Variants in TTC33 observed in about 807,000 individuals in gnomAD.
The protein encoded by TTC33 is tetratricopeptide repeat protein 33.
Under a neutral mutation model 29.4 loss-of-function variants are expected in TTC33, and 24 were observed. The observed-to-expected ratio is 0.82, with a 90% CI of 0.59 to 1.15. The LOEUF (loss-of-function observed/expected upper bound fraction) is 1.15. Among genes scored for constraint, TTC33 ranks in the 50% most tolerant of loss-of-function variants. TTC33 has a pLI of 0.00. For missense variants in TTC33, 286 were observed against 310.4 expected (o/e 0.92, Z 0.59); for synonymous variants, 107 against 100.3 (o/e 1.07, Z -0.40).
chr5:40,749,234 T>C (rs1742852299), intron 1 of TTC33, among the ~76,000 whole-genome samples: 1 of 152,214 alleles, frequency 6.6e-6, no homozygotes, highest in Non-Finnish European at 1.5e-5. Flanking sequence ...AATATTTATT[T>C]AGAGAAGAGA....
intron 4 of TTC33, among the ~76,000 whole-genome samples, chr5:40,724,003 C>T (rs1358107064): frequency 6.6e-6 from 1 of 152,056 alleles, no homozygotes; most frequent in East Asian, 1.9e-4. Context: ...TTAGAACTAC[C>T]ATGTAATAAA....
intron 1 of TTC33, among the ~76,000 whole-genome samples, chr5:40,748,196 CTGTTT>C (rs1194733015): frequency 2.0e-5 from 3 of 151,738 alleles, no homozygotes; most frequent in Non-Finnish European, 4.4e-5. Flanking sequence ...TAAGAAATCA[CTGTTT>C]TGTTTTGTTT....
At chr5:40,750,591 T>C (rs1182500703) in intron 1 of TTC33, among the ~76,000 whole-genome samples, 1 of 151,680 alleles carries the variant, frequency 6.6e-6, no homozygotes, top group African/African-American at 2.4e-5. Flanking sequence ...AACAATGAAG[T>C]TTGCTGCATC....
At chr5:40,723,098 C>A (rs186423750) in intron 4 of TTC33, among the ~76,000 whole-genome samples, 8 of 152,272 alleles carry the variant, frequency 5.3e-5, no homozygotes, top group Admixed American at 2.6e-4. Context: ...AAGAAAAATT[C>A]TTCTGCCTTG....
At position 40,711,885 on chromosome 5, in the gene TTC33, A is replaced by G. The variant is rs1741904745; in HGVS notation, c.*4260T>C. Among the ~76,000 whole-genome samples the G allele has an allele frequency of 6.6e-6, 1 of 152,118 alleles. No individual in the cohort carries two copies. The highest frequency in any genetic ancestry group is 1.5e-5 in the Non-Finnish European group (1 of 68,002). On this transcript the variant is annotated 3_prime_UTR_variant, in exon 5 of 5. Transcript: ENST00000337702. ...TCTAACGTATAGCCACAGAAAGCAG[A>G]AAAGTAGTTGACTAGGGATGGCTGT...
rs574098002 is a variant in TTC33, at chr5:40,725,966, T to C, written c.435+2379A>G. ...ACGTCCAGCTAATTTTTTGTATTTT[T>C]AGTAGAGACGGGGTTTCACCGTGTT... On this transcript the variant is annotated intron_variant, in intron 4 of 4. Transcript: ENST00000337702. 7.1e-4 allele frequency among the ~76,000 whole-genome samples: 108 copies of C among 151,902 alleles called. No individual in the cohort carries two copies. In the South Asian group the frequency reaches 0.011, roughly 15 times the overall value.
In TTC33 at chr5:40,747,113, C is replaced by T. The variant is rs572738968; in HGVS notation, c.-1-94G>A. On this transcript the variant is annotated intron_variant, in intron 1 of 4. Coordinates refer to ENST00000337702, the MANE Select transcript of TTC33 (RefSeq NM_012382.3). ...CACTCTCGTTGCCCAGGCTGGAGTA[C>T]GATGGCACGACCTCGGCTCACCGTA... 8.1e-5 allele frequency: 90 copies of T among 1,112,552 alleles called. 2 individuals carry two copies. The highest frequency in any genetic ancestry group is 1.1e-4 in the Non-Finnish European group (85 of 785,230). The allele number at this position is 1,112,552 out of a possible 1,614,324, so 68.9% of individuals were successfully genotyped here.
At chr5:40,737,007 C>T (rs909856514) in intron 2 of TTC33, among the ~76,000 whole-genome samples, 5 of 151,984 alleles carry the variant, frequency 3.3e-5, no homozygotes, top group Admixed American at 2.0e-4. Flanking sequence ...ATTTAAAAGC[C>T]ACTCAAGGTT....
At chr5:40,718,078 T>C (rs1742044545) in intron 4 of TTC33, among the ~76,000 whole-genome samples, 1 of 149,870 alleles carries the variant, frequency 6.7e-6, no homozygotes, top group Admixed American at 6.6e-5. Flanking sequence ...AAAAAAAGAT[T>C]GCACATAATC....
chr5:40,733,281 C>T (rs1158189963), intron 2 of TTC33, among the ~76,000 whole-genome samples: 1 of 152,028 alleles, frequency 6.6e-6, no homozygotes, highest in Non-Finnish European at 1.5e-5. Flanking sequence ...GGTCTTTGGT[C>T]TCTAGAGCAA....
At chr5:40,733,319 T>A (rs147927585) in intron 2 of TTC33, among the ~76,000 whole-genome samples, 1 of 152,154 alleles carries the variant, frequency 6.6e-6, no homozygotes, top group Non-Finnish European at 1.5e-5. Context: ...GTCCATATAG[T>A]AAACATTTTA....
At chr5:40,753,079 T>C (rs1742924614) in intron 1 of TTC33, among the ~76,000 whole-genome samples, 1 of 152,092 alleles carries the variant, frequency 6.6e-6, no homozygotes, top group Admixed American at 6.5e-5. Context: ...TCAAGAAATA[T>C]ACAGGCTGGG....
intron 1 of TTC33, among the ~76,000 whole-genome samples, chr5:40,747,859 C>T (rs538135105): frequency 2.0e-5 from 3 of 152,188 alleles, no homozygotes; most frequent in Non-Finnish European, 2.9e-5. Context: ...AAGTTTTGCT[C>T]TTGTTGCCCA....
chr5:40,741,412 G>C (rs778809099), intron 2 of TTC33, among the ~76,000 whole-genome samples: 1 of 152,180 alleles, frequency 6.6e-6, no homozygotes, highest in Non-Finnish European at 1.5e-5. Flanking sequence ...TGAACGCTAC[G>C]AATGGTTCAG....
intron 4 of TTC33, among the ~76,000 whole-genome samples, chr5:40,719,923 CAG>C (rs1742089299): frequency 6.6e-6 from 1 of 152,042 alleles, no homozygotes; most frequent in South Asian, 2.1e-4. Context: ...GAGTTTTTTA[CAG>C]AGTCTACATA....
chr5:40,747,065 T>C (rs1290351545), intron 1 of TTC33, 46 bp from the exon 2 acceptor site: 1 of 1,518,474 alleles, frequency 6.6e-7, no homozygotes, highest in Non-Finnish European at 8.9e-7. Context: ...ACTTGATCTT[T>C]TTTTTTTTTT....
In TTC33 at chr5:40,714,934, A is replaced by T. The variant is rs1274656194; in HGVS notation, c.*1211T>A. ...TAACAGAACCCAACAGTTCTATATT[A>T]TTGTACTACAATATATAGTATAAAA... On this transcript the variant is annotated 3_prime_UTR_variant, in exon 5 of 5. Transcript: ENST00000337702. 2.6e-5 allele frequency: 4 copies of T among 152,146 alleles called. No homozygotes were observed. Among genetic ancestry groups the T allele is most frequent in the African/African-American group, 9.6e-5 (4 of 41,472 alleles). The allele number at this position is 152,146 out of a possible 1,614,324, so 9.4% of individuals were successfully genotyped here. A position where few individuals can be genotyped will look rare whatever the true frequency, so the allele number is the denominator to read the frequency against.
intron 4 of TTC33, among the ~76,000 whole-genome samples, chr5:40,724,775 T>C (rs1416887610): frequency 2.0e-5 from 3 of 152,128 alleles, no homozygotes; most frequent in Non-Finnish European, 4.4e-5. Context: ...ATTTGTACTA[T>C]TCAATTATAA....
Position 40,711,586 on chromosome 5 carries a change from T to C in TTC33, c.*4559A>G, listed in dbSNP as rs191762898. 1.6e-4 allele frequency among the ~76,000 whole-genome samples: 24 copies of C among 152,238 alleles called. No homozygotes were observed. Among genetic ancestry groups the C allele is most frequent in the Admixed American group, 1.5e-3 (23 of 15,268 alleles). ...TGTCCACACATAGAATTGTGATTTA[T>C]ATATATAGCAGCTTTATTCATAATA... On this transcript the variant is annotated 3_prime_UTR_variant, in exon 5 of 5. Coordinates refer to ENST00000337702, the MANE Select transcript of TTC33 (RefSeq NM_012382.3).
Sources: gnomAD v4.1 joint callset for allele counts (sites outside exome capture counted in the v4.1 genomes callset) on GRCh38, gnomAD v4.1.1 for gene constraint, MANE v1.5 for transcripts, NCBI Gene and HGNC (gene_info 2026-07-23, HGNC 2026-07-21) for gene names.